AMBRA1: variants seen among roughly 807,000 people sequenced by gnomAD.
AMBRA1 encodes the protein autophagy and beclin 1 regulator 1, also known as activating molecule in BECN1-regulated autophagy protein 1.
AMBRA1 carries 47 observed loss-of-function variants against 125.4 expected under a neutral mutation model. The ratio of observed to expected loss-of-function variants is 0.37; its 90% CI spans 0.30 to 0.48. The LOEUF is 0.48. AMBRA1 is among the 20% of genes least tolerant of loss of function. AMBRA1 has a pLI of 0.99. For missense variants in AMBRA1, 1,331 were observed against 1,693.4 expected (o/e 0.79, Z 3.76); for synonymous variants, 626 against 655.5 (o/e 0.95, Z 0.69).
At chr11:46,437,439 C>T (rs1340062172) in intron 12 of AMBRA1, among the ~76,000 whole-genome samples, 2 of 152,174 alleles carry the variant, frequency 1.3e-5, no homozygotes, top group African/African-American at 2.4e-5. Context: ...ACAGCTTCTC[C>T]GGTAGCATAT....
chr11:46,492,981 G>T (rs1484456282), intron 11 of AMBRA1, among the ~76,000 whole-genome samples: 1 of 152,194 alleles, frequency 6.6e-6, no homozygotes, highest in Non-Finnish European at 1.5e-5. Flanking sequence ...CCCGGGAGGT[G>T]GAGATTGCAG....
At chr11:46,406,565 C>T (rs1315369835) in intron 17 of AMBRA1, among the ~76,000 whole-genome samples, 3 of 151,790 alleles carry the variant, frequency 2.0e-5, no homozygotes, top group Admixed American at 6.6e-5. Context: ...TTTGCACATA[C>T]ATATATACAT....
At chr11:46,517,146 C>CTTTTT (rs369058163) in intron 7 of AMBRA1, among the ~76,000 whole-genome samples, 5 of 122,026 alleles carry the variant, frequency 4.1e-5, no homozygotes, top group Non-Finnish European at 6.9e-5. Context: ...TACTCAAAAG[C>CTTTTT]TTTTTTTTTT....
At chr11:46,586,802 G>A (rs1008258639) in intron 1 of AMBRA1, among the ~76,000 whole-genome samples, 3 of 152,110 alleles carry the variant, frequency 2.0e-5, no homozygotes, top group African/African-American at 7.2e-5. Flanking sequence ...AAGCAGGGGT[G>A]CTGGAATTTG....
At chr11:46,462,236 A>G (rs1325252989) in intron 11 of AMBRA1, among the ~76,000 whole-genome samples, 1 of 152,182 alleles carries the variant, frequency 6.6e-6, no homozygotes, top group Non-Finnish European at 1.5e-5. Context: ...GTAAGCACAC[A>G]CCTTTTTAAG....
chr11:46,553,561 AT>A (rs2043077320), intron 1 of AMBRA1, among the ~76,000 whole-genome samples: 1 of 152,104 alleles, frequency 6.6e-6, no homozygotes, highest in Admixed American at 6.5e-5. Context: ...CCTGGCCAAC[AT>A]AGTGAAACCC....
intron 1 of AMBRA1, among the ~76,000 whole-genome samples, chr11:46,579,419 T>G (rs2044094251): frequency 6.6e-6 from 1 of 152,116 alleles, no homozygotes; most frequent in Non-Finnish European, 1.5e-5. Flanking sequence ...ATCACGCCAT[T>G]GCACTCCAGC....
intron 11 of AMBRA1, among the ~76,000 whole-genome samples, chr11:46,448,854 C>T (rs916723557): frequency 1.3e-5 from 2 of 152,144 alleles, no homozygotes; most frequent in African/African-American, 4.8e-5. Context: ...ATGCAATGGA[C>T]TAACTTTCCT....
intron 14 of AMBRA1, among the ~76,000 whole-genome samples, chr11:46,424,385 G>GA (rs1317799693): frequency 6.6e-6 from 1 of 152,062 alleles, no homozygotes; most frequent in Admixed American, 6.5e-5. Context: ...GTTCCTGAAG[G>GA]AGACCCCAAA....
At chr11:46,459,479 C>T (rs1042615340) in intron 11 of AMBRA1, among the ~76,000 whole-genome samples, 2 of 151,946 alleles carry the variant, frequency 1.3e-5, no homozygotes, top group African/African-American at 4.8e-5. Flanking sequence ...GGGAAACCGA[C>T]GCAAGTGGAT....
At chr11:46,479,059 C>T (rs1565201695) in intron 11 of AMBRA1, among the ~76,000 whole-genome samples, 1 of 151,896 alleles carries the variant, frequency 6.6e-6, no homozygotes, top group Non-Finnish European at 1.5e-5. Context: ...ATTAGCCAGG[C>T]ATGGTGGCAT....
intron 11 of AMBRA1, among the ~76,000 whole-genome samples, chr11:46,460,288 C>G (rs1949042292): frequency 6.6e-6 from 1 of 151,962 alleles, no homozygotes; most frequent in Admixed American, 6.6e-5. Flanking sequence ...ATATGATGAT[C>G]CATATGCATA....
intron 1 of AMBRA1, among the ~76,000 whole-genome samples, chr11:46,551,096 C>CAAAAAA (rs57293525): frequency 4.1e-5 from 2 of 49,336 alleles, no homozygotes; most frequent in Admixed American, 4.6e-4. Flanking sequence ...GACTCCGCCT[C>CAAAAAA]AAAAAAAAAA....
intron 11 of AMBRA1, among the ~76,000 whole-genome samples, chr11:46,490,508 G>C (rs1190624921): frequency 1.3e-5 from 2 of 152,162 alleles, no homozygotes; most frequent in East Asian, 1.9e-4. Context: ...TCTCTTGTGG[G>C]AGGAAGTAGA....
intron 2 of AMBRA1, 21 bp downstream of exon 2, chr11:46,548,225 A>G: frequency 6.2e-7 from 1 of 1,613,994 alleles, no homozygotes; most frequent in Non-Finnish European, 8.5e-7. Flanking sequence ...ATCCTATGTG[A>G]AATATAGCCA....
chr11:46,547,765 T>C (rs1220885978), intron 3 of AMBRA1, 52 bp downstream of exon 3: 7 of 1,551,322 alleles, frequency 4.5e-6, no homozygotes, highest in Admixed American at 1.8e-5. Context: ...AGGCCAAATA[T>C]ACAGAAAGCA....
chr11:46,562,803 C>CTT (rs35415731), intron 1 of AMBRA1, among the ~76,000 whole-genome samples: 5 of 142,972 alleles, frequency 3.5e-5, no homozygotes, highest in Admixed American at 1.4e-4. Flanking sequence ...AACATTGGTT[C>CTT]TTTTTTTTTT....
intron 1 of AMBRA1, among the ~76,000 whole-genome samples, chr11:46,559,257 GC>G (rs1427746964): frequency 6.6e-6 from 1 of 151,638 alleles, no homozygotes; most frequent in Non-Finnish European, 1.5e-5. Context: ...CCGAGATCAC[GC>G]CACTGTACTC....
intron 1 of AMBRA1, among the ~76,000 whole-genome samples, chr11:46,583,742 C>T (rs1215725716): frequency 6.9e-6 from 1 of 145,378 alleles, no homozygotes; most frequent in Admixed American, 7.0e-5. Flanking sequence ...GAAAAGAAGA[C>T]ATTTATGCAG....
Sources: gnomAD v4.1 joint callset for allele counts (sites outside exome capture counted in the v4.1 genomes callset) on GRCh38, gnomAD v4.1.1 for gene constraint, MANE v1.5 for transcripts, NCBI Gene and HGNC (gene_info 2026-07-23, HGNC 2026-07-21) for gene names.